Variants in PAX5 observed in about 807,000 individuals in gnomAD.
PAX5 encodes the protein paired box 5, also known as paired box protein Pax-5.
A neutral mutation model predicts 43.7 loss-of-function variants in PAX5; 9 were observed. The ratio of observed to expected loss-of-function variants is 0.21; its 90% CI spans 0.12 to 0.36. PAX5 has a LOEUF of 0.36. Among genes scored for constraint, PAX5 ranks in the 10% least tolerant of loss-of-function variants. The pLI, the probability that PAX5 is intolerant of heterozygous loss-of-function variation, is 1.00. For synonymous variants in PAX5, 228 were observed against 214.3 expected, an observed-to-expected ratio of 1.06 and a Z score of -0.56; for missense variants, 383 against 532.7, an observed-to-expected ratio of 0.72 and a Z score of 2.77.
At chr9:37,026,482 C>G in intron 1 of PAX5, 2 of 1,303,822 alleles carry the variant, frequency 1.5e-6, no homozygotes, top group African/African-American at 3.0e-5. Context: ...CCGGCACCCC[C>G]AACCCGGTCC....
intron 8 of PAX5, among the ~76,000 whole-genome samples, chr9:36,877,295 A>G (rs1331827022): frequency 6.6e-6 from 1 of 152,234 alleles, no homozygotes; most frequent in Non-Finnish European, 1.5e-5. Context: ...AGATCGCACC[A>G]CTGCACTCCA....
chr9:36,924,789 A>AGGAAGGAGGGAAGG (rs1563973555), intron 6 of PAX5, among the ~76,000 whole-genome samples: 84 of 10,746 alleles, frequency 7.8e-3, no homozygotes, highest in African/African-American at 0.027. Flanking sequence ...GGAAAAGAGA[A>AGGAAGGAGGGAAGG]AGGGAGGGAG....
intron 5 of PAX5, among the ~76,000 whole-genome samples, chr9:36,991,108 CAA>C (rs58025570): frequency 0.29 from 41,643 of 142,462 alleles, 6,009 homozygotes; most frequent in African/African-American, 0.35. Flanking sequence ...GACCTTGTCT[CAA>C]AAAAAAAAAA....
intron 6 of PAX5, among the ~76,000 whole-genome samples, chr9:36,923,685 T>A (rs185968079): frequency 7.5e-4 from 114 of 152,250 alleles, no homozygotes; most frequent in Middle Eastern, 6.8e-3. Context: ...AATCAACAAT[T>A]CTTCCCAGGA....
At chr9:36,980,340 T>C (rs972886687) in intron 5 of PAX5, among the ~76,000 whole-genome samples, 6 of 152,028 alleles carry the variant, frequency 3.9e-5, no homozygotes, top group African/African-American at 7.2e-5. Context: ...CCTCTGCCTG[T>C]GGGGAGTTGG....
intron 6 of PAX5, among the ~76,000 whole-genome samples, chr9:36,947,808 C>T (rs1832670934): frequency 6.6e-6 from 1 of 151,924 alleles, no homozygotes; most frequent in Non-Finnish European, 1.5e-5. Context: ...TCTCCCTTTC[C>T]CAGACTGAAC....
At chr9:37,022,832 G>A (rs1211631391) in intron 1 of PAX5, among the ~76,000 whole-genome samples, 1 of 152,152 alleles carries the variant, frequency 6.6e-6, no homozygotes, top group Admixed American at 6.5e-5. Context: ...CTCATCTATA[G>A]GTCCACAGCT....
rs530380190 is a variant in PAX5 at position 36,836,672 on chromosome 9, A to G, written c.*3888T>C. 4.3e-6 allele frequency: 1 copy of G among 232,494 alleles called. No individual in the cohort carries two copies. Among genetic ancestry groups the G allele is most frequent in the Admixed American group, 5.6e-5 (1 of 17,766 alleles). 14.4% of individuals were successfully genotyped at this position (232,494 alleles called of 1,614,324 possible). A position where few individuals can be genotyped will look rare whatever the true frequency, so the allele number is the denominator to read the frequency against. On this transcript the variant is annotated 3_prime_UTR_variant, in exon 10 of 10. Coordinates refer to ENST00000358127, the MANE Select transcript of PAX5 (RefSeq NM_016734.3). ...AAGCAGTTCATTCAGGGGACTTGAG[A>G]TTGTGATCTGTGTTTCCAGGGGCTG...
At chr9:36,950,370 A>C (rs1295682678) in intron 6 of PAX5, among the ~76,000 whole-genome samples, 2 of 152,240 alleles carry the variant, frequency 1.3e-5, no homozygotes, top group African/African-American at 4.8e-5. Context: ...TTTCTCCAAA[A>C]TAGAAGAGAG....
At chr9:36,963,676 C>T (rs117018914) in intron 6 of PAX5, among the ~76,000 whole-genome samples, 5,128 of 152,274 alleles carry the variant, frequency 0.034, 124 homozygotes, top group Non-Finnish European at 0.052. Flanking sequence ...TTGCAGGCTG[C>T]GTGGTCTTCC....
chr9:37,033,816 G>A (rs1348415880), intron 1 of PAX5, among the ~76,000 whole-genome samples, 170 bp downstream of exon 1: 1 of 152,194 alleles, frequency 6.6e-6, no homozygotes, highest in African/African-American at 2.4e-5. Context: ...TTGGACTGAT[G>A]CAGAAGTGTG....
At chr9:37,033,639 TTTTGGACACAAACTC>T in intron 1 of PAX5, among the ~76,000 whole-genome samples, 1 of 148,960 alleles carries the variant, frequency 6.7e-6, no homozygotes, top group East Asian at 2.0e-4. Context: ...GGCAAACAAC[TTTTGGACACAAACTC>T]ATATATTTTT....
chr9:37,025,873 T>C lies in PAX5; in HGVS notation c.47-5072A>G, dbSNP rs552245057. 2.6e-5 allele frequency among the ~76,000 whole-genome samples: 4 copies of C among 152,290 alleles called. No individual in the cohort carries two copies. In the East Asian group the frequency reaches 7.7e-4, roughly 29 times the overall value. On this transcript the variant is annotated intron_variant, in intron 1 of 9. Coordinates refer to ENST00000358127, the MANE Select transcript of PAX5 (RefSeq NM_016734.3). The stretch of plus-strand genomic sequence containing the variant: ...CTCTTTTTTTAAAGGGGAGAAGCCA[T>C]GAGAAAAGGCGTCCTGCAGAGAAGG...
At chr9:37,011,429 C>T (rs1444342345) in intron 3 of PAX5, among the ~76,000 whole-genome samples, 1 of 152,196 alleles carries the variant, frequency 6.6e-6, no homozygotes, top group Admixed American at 6.5e-5. Flanking sequence ...AATAGAGCTG[C>T]CCCTCTAAGC....
chr9:36,932,817 G>C (rs953189745), intron 6 of PAX5, among the ~76,000 whole-genome samples: 1 of 151,934 alleles, frequency 6.6e-6, no homozygotes, highest in African/African-American at 2.4e-5. Context: ...CTGGGGGAGG[G>C]GTGCTTGGAG....
At position 37,013,593 on chromosome 9, in the gene PAX5, T is replaced by C. The variant is rs569486715; in HGVS notation, c.410+1404A>G. On this transcript the variant is annotated intron_variant, in intron 3 of 9. Transcript: ENST00000358127. Reference sequence around the variant, plus strand: ...ACACAATGGAGCCTCTTATAATCCATAAAAAGAACAGGAGTTATCCCCTCC... The same window carrying C: ...ACACAATGGAGCCTCTTATAATCCACAAAAAGAACAGGAGTTATCCCCTCC... 3.3e-5 allele frequency among the ~76,000 whole-genome samples: 5 copies of C among 152,150 alleles called. No homozygotes were observed. The South Asian group carries it at 1.0e-3, about 32-fold the overall frequency.
chr9:36,937,539 G>A (rs916355828), intron 6 of PAX5, among the ~76,000 whole-genome samples: 4 of 152,102 alleles, frequency 2.6e-5, no homozygotes, highest in African/African-American at 9.7e-5. Flanking sequence ...ACGATGTGCC[G>A]GAGCCCTGAC....
intron 7 of PAX5, among the ~76,000 whole-genome samples, chr9:36,890,265 A>G (rs1827264289): frequency 6.7e-6 from 1 of 149,790 alleles, no homozygotes; most frequent in African/African-American, 2.4e-5. Context: ...GAACAAGATG[A>G]GAGGTGGGGG....
intron 3 of PAX5, among the ~76,000 whole-genome samples, chr9:37,013,075 C>T (rs533845288): frequency 4.7e-5 from 7 of 149,028 alleles, no homozygotes; most frequent in Non-Finnish European, 7.5e-5. Context: ...CATAGGGAGA[C>T]CCCCATCTCT....
Sources: allele counts gnomAD v4.1 joint callset (sites outside exome capture counted in the v4.1 genomes callset), GRCh38; gene constraint gnomAD v4.1.1; transcripts MANE v1.5; gene names NCBI Gene and HGNC (gene_info 2026-07-23, HGNC 2026-07-21).